RASAL2: variants seen among roughly 807,000 people sequenced by gnomAD.
The protein encoded by RASAL2 is ras GTPase-activating protein nGAP.
Under a neutral mutation model 128.9 loss-of-function variants are expected in RASAL2, and 58 were observed. The ratio of observed to expected loss-of-function variants is 0.45; its 90% CI spans 0.36 to 0.56. The LOEUF is 0.56. Ranked by LOEUF, RASAL2 falls within the 20% of genes least tolerant of loss-of-function variation. The probability of loss-of-function intolerance (pLI) is 0.00; values close to 1 mark genes in which losing one functional copy is unlikely to be tolerated. For synonymous variants in RASAL2, 561 were observed against 580.8 expected (o/e 0.97, Z 0.49); for missense variants, 1,360 against 1,601.6 (o/e 0.85, Z 2.57).
At chr1:178,377,968 C>A in intron 3 of RASAL2, among the ~76,000 whole-genome samples, 1 of 147,854 alleles carries the variant, frequency 6.8e-6, no homozygotes, top group African/African-American at 2.5e-5. Context: ...TTTTCAAAAG[C>A]AATACAGAAG....
intron 1 of RASAL2, among the ~76,000 whole-genome samples, chr1:178,195,303 T>G (rs552101436): frequency 1.3e-5 from 2 of 152,232 alleles, no homozygotes; most frequent in Non-Finnish European, 2.9e-5. Flanking sequence ...ATAGTAGGCG[T>G]TTATTAAATA....
At chr1:178,210,988 C>G (rs1398158725) in intron 1 of RASAL2, among the ~76,000 whole-genome samples, 2 of 152,094 alleles carry the variant, frequency 1.3e-5, no homozygotes, top group Admixed American at 6.5e-5. Flanking sequence ...GCTCTTTAGA[C>G]TCCCGGTCTA....
At chr1:178,231,221 C>G (rs1663995877) in intron 1 of RASAL2, among the ~76,000 whole-genome samples, 1 of 151,950 alleles carries the variant, frequency 6.6e-6, no homozygotes, top group Admixed American at 6.6e-5. Context: ...GCCTGGTGGT[C>G]ACCTGACATT....
chr1:178,177,443 T>G (rs1278073347), intron 1 of RASAL2, among the ~76,000 whole-genome samples: 1 of 152,202 alleles, frequency 6.6e-6, no homozygotes, highest in Non-Finnish European at 1.5e-5. Flanking sequence ...GTTCTTGCTC[T>G]CAAGGAGCCT....
chr1:178,245,991 C>T lies in RASAL2; in HGVS notation c.203-37573C>T, dbSNP rs1421601503. Among the ~76,000 whole-genome samples the T allele has an allele frequency of 6.6e-5, 10 of 152,112 alleles. No individual in the cohort carries two copies. The South Asian group carries it at 1.0e-3, about 16-fold the overall frequency. On this transcript the variant is annotated intron_variant, in intron 1 of 17. Coordinates refer to ENST00000367649, the MANE Select transcript of RASAL2 (RefSeq NM_170692.4). ...GTAGCCTTGTAGTATAGTTTGAAGT[C>T]GGGTAGCATGATGCCTCCAGCTTTG... is the stretch of plus-strand genomic sequence containing the variant.
At chr1:178,113,848 G>GGGTACTT in intron 1 of RASAL2, among the ~76,000 whole-genome samples, 1 of 152,072 alleles carries the variant, frequency 6.6e-6, no homozygotes, top group East Asian at 1.9e-4. Context: ...GTTTGTCTTT[G>GGGTACTT]ATTTTTTACT....
chr1:178,461,130 A>G (rs1039870489), intron 14 of RASAL2, among the ~76,000 whole-genome samples: 12 of 151,954 alleles, frequency 7.9e-5, no homozygotes, highest in Non-Finnish European at 1.8e-4. Flanking sequence ...TTTATTTCTT[A>G]TCTGTTTCTT....
At chr1:178,336,544 A>G (rs1164486742) in intron 3 of RASAL2, among the ~76,000 whole-genome samples, 1 of 152,132 alleles carries the variant, frequency 6.6e-6, no homozygotes, top group Non-Finnish European at 1.5e-5. Context: ...TTGTGACAGC[A>G]CATTAGCTTA....
chr1:178,112,531 C>T (rs905507783), intron 1 of RASAL2, among the ~76,000 whole-genome samples: 5 of 151,738 alleles, frequency 3.3e-5, no homozygotes, highest in Non-Finnish European at 7.4e-5. Flanking sequence ...GCCTGGGTGA[C>T]AGAGCGAGAC....
intron 1 of RASAL2, among the ~76,000 whole-genome samples, chr1:178,193,412 C>T (rs1558106745): frequency 6.6e-6 from 1 of 152,024 alleles, no homozygotes. Flanking sequence ...AAATAAATTA[C>T]TTTTGTTCAT....
intron 1 of RASAL2, among the ~76,000 whole-genome samples, chr1:178,136,756 CAAAAAAAAAAAAA>C (rs397982072): frequency 4.7e-4 from 22 of 47,214 alleles, no homozygotes; most frequent in African/African-American, 9.2e-4. Flanking sequence ...GACTCTGTCT[CAAAAAAAAAAAAA>C]AAAAAAAAAA....
intron 1 of RASAL2, among the ~76,000 whole-genome samples, chr1:178,217,055 A>G (rs954422667): frequency 1.3e-5 from 2 of 151,908 alleles, no homozygotes; most frequent in African/African-American, 4.8e-5. Flanking sequence ...GGCTCACTGC[A>G]ACCTCCACCT....
chr1:178,112,931 A>C (rs753444325), intron 1 of RASAL2, among the ~76,000 whole-genome samples: 27 of 151,958 alleles, frequency 1.8e-4, no homozygotes, highest in Admixed American at 7.2e-4. Context: ...AAAAAGAAAA[A>C]AAAGAAATCA....
At chr1:178,099,297 C>T (rs1014515226) in intron 1 of RASAL2, among the ~76,000 whole-genome samples, 1 of 152,134 alleles carries the variant, frequency 6.6e-6, no homozygotes, top group Non-Finnish European at 1.5e-5. Flanking sequence ...GTGGCATAGG[C>T]TTGTTGATGT....
intron 1 of RASAL2, among the ~76,000 whole-genome samples, chr1:178,169,592 G>A (rs765795257): frequency 2.0e-5 from 3 of 151,690 alleles, no homozygotes; most frequent in Non-Finnish European, 4.4e-5. Flanking sequence ...AAGTCTTATT[G>A]GTCCTACTTG....
intron 1 of RASAL2, among the ~76,000 whole-genome samples, chr1:178,282,620 G>T (rs937783338): frequency 6.6e-6 from 1 of 152,072 alleles, no homozygotes; most frequent in Non-Finnish European, 1.5e-5. Context: ...CAACTCCCCT[G>T]CCCTCATGGG....
intron 3 of RASAL2, among the ~76,000 whole-genome samples, chr1:178,329,011 C>T (rs1419344702): frequency 6.6e-6 from 1 of 152,158 alleles, no homozygotes; most frequent in Non-Finnish European, 1.5e-5. Context: ...GCCTTTCATT[C>T]CTCAAATATA....
intron 1 of RASAL2, among the ~76,000 whole-genome samples, chr1:178,261,545 A>C (rs1235477441): frequency 6.6e-6 from 1 of 152,182 alleles, no homozygotes; most frequent in East Asian, 1.9e-4. Context: ...AAAGAAAAGT[A>C]ACTTTTCCAG....
At chr1:178,388,641 A>G (rs1027565035) in intron 3 of RASAL2, among the ~76,000 whole-genome samples, 2 of 152,194 alleles carry the variant, frequency 1.3e-5, no homozygotes, top group African/African-American at 4.8e-5. Flanking sequence ...ATGTTTAGTC[A>G]TGGAAAAGAA....
Sources: gnomAD v4.1 joint callset for allele counts (sites outside exome capture counted in the v4.1 genomes callset) on GRCh38, gnomAD v4.1.1 for gene constraint, MANE v1.5 for transcripts, NCBI Gene and HGNC (gene_info 2026-07-23, HGNC 2026-07-21) for gene names.